The following TESK2 variants were observed in gnomAD, a reference collection of about 807,000 sequenced individuals.
TESK2 encodes the protein testis associated actin remodelling kinase 2.
In TESK2, 39 loss-of-function variants were observed where a neutral mutation model predicts 57.1. That is an observed-to-expected ratio of 0.68 (90% CI 0.53 to 0.89). TESK2 has a LOEUF of 0.89. Among genes scored for constraint, TESK2 ranks in the 40% least tolerant of loss-of-function variants. The pLI, the probability that TESK2 is intolerant of heterozygous loss-of-function variation, is 0.00. For synonymous variants in TESK2, 249 were observed against 267.9 expected (o/e 0.93, Z 0.69); for missense variants, 646 against 732.1 (o/e 0.88, Z 1.36).
At chr1:45,390,987 G>A (rs1386454500) in intron 3 of TESK2, among the ~76,000 whole-genome samples, 3 of 149,614 alleles carry the variant, frequency 2.0e-5, no homozygotes, top group East Asian at 2.0e-4. Flanking sequence ...GCGCGATCTC[G>A]GCTCACTGTA....
chr1:45,442,855 G>A (rs765416826), intron 2 of TESK2, among the ~76,000 whole-genome samples: 2 of 152,128 alleles, frequency 1.3e-5, no homozygotes, highest in East Asian at 1.9e-4. Flanking sequence ...GCGTGATCTC[G>A]GCTTACTGCA....
intron 3 of TESK2, among the ~76,000 whole-genome samples, chr1:45,407,228 GGT>G (rs1489221136): frequency 7.1e-6 from 1 of 141,692 alleles, no homozygotes; most frequent in East Asian, 2.1e-4. Flanking sequence ...TAGGACCACA[GGT>G]GGTGGCCCCA....
intron 2 of TESK2, among the ~76,000 whole-genome samples, chr1:45,456,899 G>A (rs1652132413): frequency 6.6e-6 from 1 of 152,076 alleles, no homozygotes; most frequent in African/African-American, 2.4e-5. Context: ...TGACAATGAG[G>A]ACTAGTGAGG....
chr1:45,417,304 T>A (rs1175254015), intron 3 of TESK2, among the ~76,000 whole-genome samples: 1 of 152,000 alleles, frequency 6.6e-6, no homozygotes, highest in African/African-American at 2.4e-5. Context: ...CAATCTCAGC[T>A]CACTGCAACC....
At chr1:45,351,065 G>A (rs990152138) in intron 5 of TESK2, among the ~76,000 whole-genome samples, 15 of 152,160 alleles carry the variant, frequency 9.9e-5, no homozygotes, top group African/African-American at 3.6e-4. Context: ...CAACAGAAAA[G>A]AACTAAGAAC....
Position 45,344,497 on chromosome 1 carries a change from T to G in TESK2, c.*343A>C. 4.0e-6 allele frequency: 1 copy of G among 251,602 alleles called. No homozygotes were observed. Among genetic ancestry groups the G allele is most frequent in the Non-Finnish European group, 7.7e-6 (1 of 129,868 alleles). The allele number at this position is 251,602 out of a possible 1,614,324, so 15.6% of individuals were successfully genotyped here. ...GAAAAGGCAAGAGACAGACCTGGGG[T>G]GGGGAAAGAACCGGGGTAATAGCTG... is the stretch of plus-strand genomic sequence containing the variant. On this transcript the variant is annotated 3_prime_UTR_variant, in exon 11 of 11. Coordinates refer to ENST00000372086, the MANE Select transcript of TESK2 (RefSeq NM_007170.3).
chr1:45,373,011 A>T (rs1648262296), intron 4 of TESK2, among the ~76,000 whole-genome samples: 1 of 149,242 alleles, frequency 6.7e-6, no homozygotes, highest in Non-Finnish European at 1.5e-5. Flanking sequence ...CTGGGCAACA[A>T]GAGCGAATCT....
intron 2 of TESK2, among the ~76,000 whole-genome samples, chr1:45,446,876 G>T (rs912865119): frequency 1.3e-5 from 2 of 152,092 alleles, no homozygotes; most frequent in Non-Finnish European, 2.9e-5. Flanking sequence ...AGAAAGAAGG[G>T]GTATCCTTTG....
intron 3 of TESK2, among the ~76,000 whole-genome samples, chr1:45,400,807 A>G (rs1302309447): frequency 2.0e-5 from 3 of 152,024 alleles, no homozygotes; most frequent in Non-Finnish European, 2.9e-5. Flanking sequence ...GAATCACCTG[A>G]GGCCAGGAGT....
chr1:45,390,922 T>A (rs961658574), intron 3 of TESK2, among the ~76,000 whole-genome samples: 43 of 136,218 alleles, frequency 3.2e-4, no homozygotes, highest in African/African-American at 1.1e-3. Flanking sequence ...GCTACATTTC[T>A]TTTTTTTTTT....
At chr1:45,447,914 G>A (rs1651702576) in intron 2 of TESK2, among the ~76,000 whole-genome samples, 2 of 151,780 alleles carry the variant, frequency 1.3e-5, no homozygotes, top group South Asian at 4.2e-4. Context: ...TGTATATACA[G>A]GATCTATATG....
At chr1:45,461,899 C>T (rs1396235626) in intron 1 of TESK2, among the ~76,000 whole-genome samples, 6 of 152,148 alleles carry the variant, frequency 3.9e-5, no homozygotes, top group Non-Finnish European at 5.9e-5. Context: ...GTATCCATCA[C>T]CTCAAGCATT....
rs370419663 is a variant in TESK2, at chr1:45,486,450, T to C, written c.-87+4402A>G. On this transcript the variant is annotated intron_variant, in intron 1 of 10. Transcript: ENST00000372086. ...ATATTTAAATGTGTAATTTTCTTTTTACAATTAACTAAAACCTTTTGAGAC... is the reference window on the plus strand; with the variant it reads ...ATATTTAAATGTGTAATTTTCTTTTCACAATTAACTAAAACCTTTTGAGAC... Among the ~76,000 whole-genome samples, 23 of 152,160 alleles carry C rather than the reference T, an allele frequency of 1.5e-4. No homozygotes were observed. In the South Asian group the frequency reaches 4.6e-3, roughly 30 times the overall value.
intron 4 of TESK2, among the ~76,000 whole-genome samples, chr1:45,372,814 G>A (rs1447424808): frequency 1.3e-5 from 2 of 151,738 alleles, no homozygotes; most frequent in Admixed American, 1.3e-4. Flanking sequence ...TGAGACGGGT[G>A]GATCATCTGG....
intron 1 of TESK2, among the ~76,000 whole-genome samples, chr1:45,465,936 T>C (rs956233976): frequency 1.3e-5 from 2 of 152,214 alleles, no homozygotes; most frequent in African/African-American, 4.8e-5. Context: ...TAGTTAGCGA[T>C]ATTATTAAAA....
chr1:45,479,017 C>A (rs902274221), intron 1 of TESK2, among the ~76,000 whole-genome samples: 1 of 152,096 alleles, frequency 6.6e-6, no homozygotes, highest in African/African-American at 2.4e-5. Flanking sequence ...AGCAACCATA[C>A]CCAGCCTGTT....
chr1:45,347,928 G>A lies in TESK2; in HGVS notation c.613C>T (p.Pro205Ser), dbSNP rs1435268243. The A allele has an allele frequency of 1.2e-6, 2 of 1,612,390 alleles. No homozygotes were observed. The highest frequency in any genetic ancestry group is 8.5e-7 in the Non-Finnish European group (1 of 1,178,562). Reference protein sequence around the residue: ...VADFGLAEKIPDVSMGSEKLA... With the variant: ...VADFGLAEKISDVSMGSEKLA... ...AGTAGGGCTACACACCTGACATCGGGGATCTTCTCAGCCAGGCCAAAGTCA... is the reference window on the plus strand; with the variant it reads ...AGTAGGGCTACACACCTGACATCGGAGATCTTCTCAGCCAGGCCAAAGTCA... Residue 205 changes from proline to serine, a missense_variant, in exon 6 of 11, where the codon CCC becomes TCC. Coordinates refer to ENST00000372086, the MANE Select transcript of TESK2 (RefSeq NM_007170.3).
rs894323731 is a variant in TESK2, at chr1:45,344,534, A to G, written c.*306T>C. The G allele has an allele frequency of 3.5e-5, 11 of 314,816 alleles. No homozygotes were observed. Among genetic ancestry groups the G allele is most frequent in the Non-Finnish European group, 6.5e-5 (11 of 169,164 alleles). The allele number at this position is 314,816 out of a possible 1,614,324, so 19.5% of individuals were successfully genotyped here. A position where few individuals can be genotyped will look rare whatever the true frequency, so the allele number is the denominator to read the frequency against. On this transcript the variant is annotated 3_prime_UTR_variant, in exon 11 of 11. Coordinates refer to ENST00000372086, the MANE Select transcript of TESK2 (RefSeq NM_007170.3). Reference sequence around the variant, plus strand: ...CGGGGTAATAGCTGCCTGCCAGCTCAGCCTAGAACTAGACATCCTCTGGTC... The same window carrying G: ...CGGGGTAATAGCTGCCTGCCAGCTCGGCCTAGAACTAGACATCCTCTGGTC...
chr1:45,484,040 G>A (rs1413400515), intron 1 of TESK2, among the ~76,000 whole-genome samples: 1 of 150,074 alleles, frequency 6.7e-6, no homozygotes, highest in East Asian at 1.9e-4. Context: ...CTACCGCACA[G>A]GGGTTGGCTT....
Sources: gnomAD v4.1 joint callset for allele counts (sites outside exome capture counted in the v4.1 genomes callset) on GRCh38, gnomAD v4.1.1 for gene constraint, MANE v1.5 for transcripts, NCBI Gene and HGNC (gene_info 2026-07-23, HGNC 2026-07-21) for gene names.